The following SOX6 variants were observed in gnomAD, a reference collection of about 807,000 sequenced individuals.
SOX6 encodes transcription factor SOX-6.
In SOX6, 11 loss-of-function variants were observed where a neutral mutation model predicts 97.8. The observed-to-expected ratio is 0.11, with a 90% CI of 0.07 to 0.19. The LOEUF (loss-of-function observed/expected upper bound fraction) is 0.19. Among genes scored for constraint, SOX6 ranks in the 10% least tolerant of loss-of-function variants. The probability of loss-of-function intolerance (pLI) is 1.00; values close to 1 mark genes in which losing one functional copy is unlikely to be tolerated. For synonymous variants in SOX6, 360 were observed against 371.4 expected (o/e 0.97, Z 0.35); for missense variants, 810 against 1,039.5 (o/e 0.78, Z 3.04).
intron 3 of SOX6, among the ~76,000 whole-genome samples, chr11:16,234,974 A>G (rs908823576): frequency 1.8e-4 from 27 of 152,064 alleles, no homozygotes; most frequent in Non-Finnish European, 2.8e-4. Flanking sequence ...TTAGACTGAT[A>G]GTACAGAAAA....
At chr11:16,439,209 AT>A (rs1859450101) in intron 1 of SOX6, among the ~76,000 whole-genome samples, 1 of 152,204 alleles carries the variant, frequency 6.6e-6, no homozygotes, top group Admixed American at 6.5e-5. Flanking sequence ...CATTTCTCCT[AT>A]TTAAGTTGAA....
chr11:16,593,281 AACATCCTTCTTTACTCAGG>A (rs546377861), intron 4 of SOX6, among the ~76,000 whole-genome samples: 1 of 152,288 alleles, frequency 6.6e-6, no homozygotes, highest in African/African-American at 2.4e-5. Flanking sequence ...CCATCTTCCC[AACATCCTTCTTTACTCAGG>A]GTGAGCCATG....
At chr11:16,640,339 G>A (rs374332394) in intron 3 of SOX6, among the ~76,000 whole-genome samples, 2 of 152,072 alleles carry the variant, frequency 1.3e-5, no homozygotes, top group East Asian at 3.9e-4. Flanking sequence ...TTTTTGCATC[G>A]ATGTTCATCA....
intron 4 of SOX6, among the ~76,000 whole-genome samples, chr11:16,219,604 A>C (rs1852477784): frequency 6.6e-6 from 1 of 152,066 alleles, no homozygotes; most frequent in South Asian, 2.1e-4. Flanking sequence ...ACACATTTAA[A>C]AATGTAGAGA....
At chr11:16,149,303 G>A (rs1850398448) in intron 6 of SOX6, among the ~76,000 whole-genome samples, 2 of 151,978 alleles carry the variant, frequency 1.3e-5, no homozygotes, top group South Asian at 2.1e-4. Context: ...CACTTTGACG[G>A]CCTACTGTAG....
intron 15 of SOX6, among the ~76,000 whole-genome samples, chr11:15,977,980 C>A (rs1319402773): frequency 6.6e-6 from 1 of 152,086 alleles, no homozygotes; most frequent in African/African-American, 2.4e-5. Context: ...CCATTCTCTG[C>A]CTGCCTTTCC....
chr11:16,012,096 G>A (rs1196494246), intron 13 of SOX6, among the ~76,000 whole-genome samples: 1 of 152,002 alleles, frequency 6.6e-6, no homozygotes, highest in Non-Finnish European at 1.5e-5. Context: ...AGAAATGTTG[G>A]CTGGTTGTTT....
intron 4 of SOX6, among the ~76,000 whole-genome samples, chr11:16,230,935 G>A (rs557582356): frequency 1.3e-5 from 2 of 151,774 alleles, no homozygotes; most frequent in African/African-American, 2.4e-5. Context: ...TCAAGTCAGA[G>A]GAGGTAAGAT....
chr11:16,133,313 C>T (rs1008655272), intron 6 of SOX6, among the ~76,000 whole-genome samples: 8 of 152,138 alleles, frequency 5.3e-5, no homozygotes, highest in African/African-American at 1.9e-4. Flanking sequence ...GGTGGCCCTA[C>T]CCCACTGCTA....
chr11:16,425,550 C>A (rs771808774), intron 1 of SOX6, among the ~76,000 whole-genome samples: 1 of 152,132 alleles, frequency 6.6e-6, no homozygotes, highest in Non-Finnish European at 1.5e-5. Flanking sequence ...ACAACATGAT[C>A]CTACATCTAG....
chr11:16,736,276 G>C (rs1409696003), intron 2 of SOX6: 1 of 152,150 alleles, frequency 6.6e-6, no homozygotes, highest in Non-Finnish European at 1.5e-5. Context: ...ACAAGAAAGA[G>C]GAGCATTACT....
intron 1 of SOX6, among the ~76,000 whole-genome samples, chr11:16,455,269 A>G (rs1301397095): frequency 6.6e-6 from 1 of 152,082 alleles, no homozygotes; most frequent in East Asian, 1.9e-4. Context: ...ACAGTTTATC[A>G]CCACAAAAAA....
intron 4 of SOX6, among the ~76,000 whole-genome samples, chr11:16,524,154 A>C (rs186830463): frequency 6.6e-4 from 101 of 152,318 alleles, no homozygotes; most frequent in Non-Finnish European, 1.1e-3. Context: ...CTGATACCAA[A>C]GTCGGGCAGA....
chr11:16,095,771 T>C (rs1010470459), intron 9 of SOX6, among the ~76,000 whole-genome samples: 1 of 151,820 alleles, frequency 6.6e-6, no homozygotes, highest in African/African-American at 2.4e-5. Context: ...TGAATATATA[T>C]GGCAAAGAAC....
intron 11 of SOX6, 27 bp downstream of exon 11, chr11:16,049,728 C>T (rs1285072562): frequency 1.2e-6 from 2 of 1,612,448 alleles, no homozygotes; most frequent in Admixed American, 1.7e-5. Flanking sequence ...TCGTAAGTCT[C>T]TTCCTGGTGT....
intron 6 of SOX6, among the ~76,000 whole-genome samples, chr11:16,171,613 T>C (rs1851041407): frequency 6.6e-6 from 1 of 151,914 alleles, no homozygotes; most frequent in East Asian, 1.9e-4. Flanking sequence ...GATGTGGTAG[T>C]ACAACAAAAT....
At chr11:16,536,890 G>A (rs1020515264) in intron 4 of SOX6, among the ~76,000 whole-genome samples, 5 of 152,208 alleles carry the variant, frequency 3.3e-5, no homozygotes, top group African/African-American at 9.6e-5. Context: ...CTGAACAAAA[G>A]GCAGCAGACA....
chr11:16,580,057 G>A (rs895151049), intron 4 of SOX6, among the ~76,000 whole-genome samples: 1 of 152,010 alleles, frequency 6.6e-6, no homozygotes, highest in Admixed American at 6.6e-5. Flanking sequence ...CTTCTGTCCT[G>A]TAACTCTTAG....
At chr11:16,632,518 C>T (rs1235546395) in intron 3 of SOX6, among the ~76,000 whole-genome samples, 4 of 152,174 alleles carry the variant, frequency 2.6e-5, no homozygotes, top group Non-Finnish European at 4.4e-5. Flanking sequence ...GGACTGATTC[C>T]TGCGCAGTGG....
Sources: gnomAD v4.1 joint callset for allele counts (sites outside exome capture counted in the v4.1 genomes callset) on GRCh38, gnomAD v4.1.1 for gene constraint, MANE v1.5 for transcripts, NCBI Gene and HGNC (gene_info 2026-07-23, HGNC 2026-07-21) for gene names.